Variants in TMEM62 observed in about 807,000 individuals in gnomAD.
TMEM62 encodes transmembrane protein 62.
Under a neutral mutation model 70.4 loss-of-function variants are expected in TMEM62, and 41 were observed. The ratio of observed to expected loss-of-function variants is 0.58; its 90% CI spans 0.45 to 0.76. The LOEUF (loss-of-function observed/expected upper bound fraction) is 0.76, where lower values mean the gene tolerates loss of function less well. TMEM62 is among the 30% of genes least tolerant of loss of function. The pLI is 0.00. For synonymous variants in TMEM62, 268 were observed against 291.0 expected (o/e 0.92, Z 0.80); for missense variants, 688 against 788.5 (o/e 0.87, Z 1.53).
intron 13 of TMEM62, among the ~76,000 whole-genome samples, chr15:43,182,671 C>G (rs996985407): frequency 5.9e-5 from 9 of 152,170 alleles, no homozygotes; most frequent in Non-Finnish European, 4.4e-5. Flanking sequence ...CCAGGATGGT[C>G]TCGAACTCCT....
chr15:43,181,068 A>T, intron 12 of TMEM62, 113 bp from the exon 13 acceptor site: 1 of 730,730 alleles, frequency 1.4e-6, no homozygotes, highest in Non-Finnish European at 2.4e-6. Flanking sequence ...TAAAATGCTT[A>T]TAGATGGCTA....
chr15:43,146,411 G>A lies in TMEM62; in HGVS notation c.477-82G>A, dbSNP rs543930254. ...CAGCAAATCTCGTTTTCAAAGGAAG[G>A]TAAAATCTAGCGTATTAGGGAAGGA... On this transcript the variant is annotated intron_variant, in intron 4 of 13. Transcript: ENST00000260403. The A allele has an allele frequency of 1.4e-5, 18 of 1,329,536 alleles. No individual in the cohort carries two copies. The African/African-American group carries it at 2.0e-4, about 15-fold the overall frequency. The allele number at this position is 1,329,536 out of a possible 1,614,324, so 82.4% of individuals were successfully genotyped here.
intron 11 of TMEM62, among the ~76,000 whole-genome samples, chr15:43,170,404 C>T (rs1295827483): frequency 6.6e-6 from 1 of 151,916 alleles, no homozygotes; most frequent in Admixed American, 6.6e-5. Context: ...GGAGGCATGC[C>T]AAAGATGTCA....
chr15:43,137,102 G>T (rs1456952134), intron 3 of TMEM62, among the ~76,000 whole-genome samples: 3 of 152,154 alleles, frequency 2.0e-5, no homozygotes, highest in Admixed American at 2.0e-4. Flanking sequence ...ACAGGGAAAT[G>T]GATAATCCTT....
intron 1 of TMEM62, 118 bp downstream of exon 1, chr15:43,134,100 G>T (rs1446288465): frequency 2.1e-6 from 3 of 1,432,784 alleles, no homozygotes; most frequent in Non-Finnish European, 2.8e-6. Flanking sequence ...ATTGTAACTC[G>T]AGGCTCTGTC....
At chr15:43,135,396 C>T in intron 2 of TMEM62, 116 bp from the exon 3 acceptor site, 2 of 1,046,232 alleles carry the variant, frequency 1.9e-6, no homozygotes, top group African/African-American at 1.6e-5. Flanking sequence ...AGCAGTTATG[C>T]TTATACACGT....
At chr15:43,177,780 T>G (rs1235276853) in intron 11 of TMEM62, among the ~76,000 whole-genome samples, 1 of 151,780 alleles carries the variant, frequency 6.6e-6, no homozygotes, top group Non-Finnish European at 1.5e-5. Context: ...TTCTCACTCA[T>G]CGGTGGGAAT....
At chr15:43,178,456 GAATTT>G in intron 11 of TMEM62, 146 bp from the exon 12 acceptor site, 1 of 486,392 alleles carries the variant, frequency 2.1e-6, no homozygotes, top group Non-Finnish European at 3.6e-6. Flanking sequence ...GCCAAATTCT[GAATTT>G]AAAGTGGTGT....
intron 5 of TMEM62, among the ~76,000 whole-genome samples, chr15:43,147,259 C>G (rs770028335): frequency 2.0e-5 from 3 of 152,184 alleles, no homozygotes; most frequent in Non-Finnish European, 1.5e-5. Flanking sequence ...CCACTGTGCC[C>G]AGCTGGTCTG....
chr15:43,148,709 A>C, intron 5 of TMEM62, 46 bp from the exon 6 acceptor site: 1 of 1,599,716 alleles, frequency 6.3e-7, no homozygotes, highest in Non-Finnish European at 8.5e-7. Context: ...ATTAGATTTT[A>C]GCCTGAGCCC....
rs770009574 is a variant in TMEM62, at chr15:43,184,311, C to T, written c.1657C>T (p.Gln553Ter). 6.2e-7 allele frequency: 1 copy of T among 1,614,190 alleles called. No homozygotes were observed. The highest frequency in any genetic ancestry group is 2.2e-5 in the East Asian group (1 of 44,886). Reference protein sequence around the residue: ...LMAYMCWSLLQRCFGHNFRSH... With the variant: ...LMAYMCWSLL ...GGCTTACATGTGTTGGAGCTTGCTG[C>T]AGCGGTGCTTTGGTCACAACTTCAG... Residue 553 changes from glutamine to a stop codon, truncating the protein, a stop_gained, in exon 14 of 14, where the codon CAG becomes TAG. Transcript: ENST00000260403. LOFTEE classifies it high-confidence loss of function.
chr15:43,158,729 T>G (rs1392104194), intron 9 of TMEM62, among the ~76,000 whole-genome samples: 1 of 152,240 alleles, frequency 6.6e-6, no homozygotes, highest in African/African-American at 2.4e-5. Context: ...GATATAAAGT[T>G]CACACACAAA....
intron 3 of TMEM62, among the ~76,000 whole-genome samples, chr15:43,136,277 A>T (rs914024783): frequency 6.6e-6 from 1 of 152,128 alleles, no homozygotes; most frequent in African/African-American, 2.4e-5. Context: ...ATCATGGAGA[A>T]TTTTTGGTGG....
Position 43,133,760 on chromosome 15 carries a change from C to T in TMEM62, c.-43C>T, listed in dbSNP as rs943587090. On this transcript the variant is annotated 5_prime_UTR_variant, in exon 1 of 14. Coordinates refer to ENST00000260403, the MANE Select transcript of TMEM62 (RefSeq NM_024956.4). ...CGGCTCCCGGGAGCGCCGCGCGGTC[C>T]TGCGCGGGATCAGCGAGGGCCGCGC... 43 of 1,315,302 alleles carry T rather than the reference C, an allele frequency of 3.3e-5. No individual in the cohort carries two copies. The highest frequency in any genetic ancestry group is 3.7e-5 in the Non-Finnish European group (38 of 1,035,376). The allele number at this position is 1,315,302 out of a possible 1,614,324, so 81.5% of individuals were successfully genotyped here.
intron 11 of TMEM62, among the ~76,000 whole-genome samples, chr15:43,177,936 A>T (rs918270593): frequency 5.3e-5 from 8 of 151,884 alleles, no homozygotes; most frequent in Non-Finnish European, 1.0e-4. Context: ...AGCATGGCAC[A>T]TGTATACATA....
At chr15:43,158,804 G>T (rs1299455747) in intron 9 of TMEM62, among the ~76,000 whole-genome samples, 1 of 152,016 alleles carries the variant, frequency 6.6e-6, no homozygotes, top group Non-Finnish European at 1.5e-5. Context: ...ATAATGAGTT[G>T]GTTCTTTAGT....
intron 13 of TMEM62, among the ~76,000 whole-genome samples, chr15:43,183,123 A>G (rs551588598): frequency 3.1e-4 from 47 of 152,258 alleles, no homozygotes; most frequent in African/African-American, 1.1e-3. Flanking sequence ...GATTTCTCCA[A>G]GATGTATCCT....
chr15:43,137,529 C>G (rs1452340849), intron 3 of TMEM62, among the ~76,000 whole-genome samples: 1 of 152,254 alleles, frequency 6.6e-6, no homozygotes, highest in Non-Finnish European at 1.5e-5. Flanking sequence ...TACAGTCACG[C>G]CATGCCTAGC....
intron 11 of TMEM62, among the ~76,000 whole-genome samples, chr15:43,171,738 C>A (rs1459066442): frequency 1.3e-5 from 2 of 151,240 alleles, no homozygotes; most frequent in African/African-American, 2.4e-5. Flanking sequence ...TGCCATTCTC[C>A]TGCCTCAGCC....
Sources: allele counts gnomAD v4.1 joint callset (sites outside exome capture counted in the v4.1 genomes callset), GRCh38; gene constraint gnomAD v4.1.1; transcripts MANE v1.5; gene names NCBI Gene and HGNC (gene_info 2026-07-23, HGNC 2026-07-21).